The following C1orf141 variants were observed in gnomAD, a reference collection of about 807,000 sequenced individuals.
The protein encoded by C1orf141 is chromosome 1 open reading frame 141.
In C1orf141, 19 loss-of-function variants were observed where a neutral mutation model predicts 23.2. The ratio of observed to expected loss-of-function variants is 0.82; its 90% CI spans 0.57 to 1.20. C1orf141 has a LOEUF of 1.20. C1orf141 is among the 50% of genes most tolerant of loss of function. The pLI, the probability that C1orf141 is intolerant of heterozygous loss-of-function variation, is 0.00. For missense variants in C1orf141, 469 were observed against 455.1 expected (o/e 1.03, Z -0.28); for synonymous variants, 153 against 154.6 (o/e 0.99, Z 0.08).
rs1302031631 is a variant in C1orf141, at chr1:67,092,960, G to C, written c.*45C>G. ...ATTTCTTTTATAATTTTGGAACTTG[G>C]ATATTTGCTTCTTGTTACTCAAATA... On this transcript the variant is annotated 3_prime_UTR_variant, in exon 8 of 8. Transcript: ENST00000684719. 2.8e-6 allele frequency: 4 copies of C among 1,451,116 alleles called. No homozygotes were observed. Among genetic ancestry groups the C allele is most frequent in the East Asian group, 2.3e-5 (1 of 43,600 alleles). The allele number at this position is 1,451,116 out of a possible 1,614,324, so 89.9% of individuals were successfully genotyped here.
intron 2 of C1orf141, among the ~76,000 whole-genome samples, chr1:67,127,563 G>A (rs1297165932): frequency 6.6e-6 from 1 of 152,036 alleles, no homozygotes; most frequent in African/African-American, 2.4e-5. Context: ...AGACCATGTG[G>A]CTTGACTTAT....
At chr1:67,132,316 C>T (rs936988801) in intron 1 of C1orf141, among the ~76,000 whole-genome samples, 1 of 151,904 alleles carries the variant, frequency 6.6e-6, no homozygotes, top group Non-Finnish European at 1.5e-5. Flanking sequence ...AGTCAGGAGT[C>T]GAGACCTGCC....
intron 5 of C1orf141, among the ~76,000 whole-genome samples, chr1:67,114,750 C>T (rs1054066091): frequency 7.9e-5 from 12 of 152,220 alleles, no homozygotes; most frequent in African/African-American, 2.9e-4. Flanking sequence ...GATCTCAGCT[C>T]ACTGCAGCCT....
chr1:67,096,439 C>A, intron 5 of C1orf141, 118 bp from the exon 6 acceptor site: 1 of 586,888 alleles, frequency 1.7e-6, no homozygotes, highest in Non-Finnish European at 3.0e-6. Flanking sequence ...AGTATAGTGC[C>A]TGGTCTGTAG....
rs41313272 is a variant in C1orf141 at position 67,093,073 on chromosome 1, C to T, written c.1135G>A (p.Glu379Lys). 88,950 of 1,606,018 alleles carry T rather than the reference C, an allele frequency of 0.055. 3,836 individuals are homozygous for T. The highest frequency in any genetic ancestry group is 0.22 in the African/African-American group (16,474 of 74,728). The change falls in exon 8 of 8, where the codon GAA becomes AAA. Residue 379 changes from glutamate to lysine, a missense_variant. Glu to Lys is a moderately conservative substitution (Grantham distance 56). Transcript: ENST00000684719. ...CYSKPFKYIYELNNVTPLDNL... is the reference protein window; with the variant it reads ...CYSKPFKYIYKLNNVTPLDNL... ...TCCAGTGGCGTTACATTATTTAGTT[C>T]ATATATATATTTAAAAGGCTTTGAG...
intron 4 of C1orf141, among the ~76,000 whole-genome samples, chr1:67,118,039 C>T (rs6657891): frequency 0.098 from 14,924 of 152,114 alleles, 1,154 homozygotes; most frequent in African/African-American, 0.21. Context: ...AATGAGGATA[C>T]TCTTTCTTAT....
intron 5 of C1orf141, among the ~76,000 whole-genome samples, chr1:67,105,268 T>G (rs2064688): frequency 0.88 from 130,564 of 148,096 alleles, 57,736 homozygotes; most frequent in East Asian, 0.97. Context: ...AGAGGTTGCA[T>G]TGCACTGAGA....
At chr1:67,116,735 A>G (rs939222667) in intron 4 of C1orf141, among the ~76,000 whole-genome samples, 6 of 152,042 alleles carry the variant, frequency 3.9e-5, no homozygotes, top group Non-Finnish European at 8.8e-5. Context: ...TGTTTGGTTC[A>G]GGGAAAGGAA....
intron 5 of C1orf141, among the ~76,000 whole-genome samples, chr1:67,100,494 T>C (rs1199222419): frequency 2.6e-5 from 4 of 152,352 alleles, no homozygotes; most frequent in Middle Eastern, 3.4e-3. Flanking sequence ...TTCCAAATCT[T>C]ATTTCATAGA....
chr1:67,094,130 C>G (rs546700611), intron 7 of C1orf141: 1 of 152,184 alleles, frequency 6.6e-6, no homozygotes, highest in Non-Finnish European at 1.5e-5. Context: ...ATACCTGACA[C>G]CTAAAAAGTG....
chr1:67,111,511 T>C (rs1021862287), intron 5 of C1orf141: 9 of 573,676 alleles, frequency 1.6e-5, no homozygotes, highest in Non-Finnish European at 2.5e-5. Context: ...TAGGAGCATA[T>C]ATAAAATTAT....
At chr1:67,121,760 C>T (rs1646303263) in intron 4 of C1orf141, 1 of 152,150 alleles carries the variant, frequency 6.6e-6, no homozygotes, top group Non-Finnish European at 1.5e-5. Context: ...CTTTAGCACA[C>T]CACTGTACCC....
chr1:67,099,467 C>T (rs1243753600), intron 5 of C1orf141, among the ~76,000 whole-genome samples: 1 of 152,160 alleles, frequency 6.6e-6, no homozygotes, highest in African/African-American at 2.4e-5. Flanking sequence ...AACACATGCT[C>T]TTCAGGAAAA....
chr1:67,119,432 C>A (rs754994321), intron 4 of C1orf141, among the ~76,000 whole-genome samples: 5 of 152,018 alleles, frequency 3.3e-5, no homozygotes, highest in African/African-American at 1.2e-4. Context: ...TGATTTGGTT[C>A]CTACTGATGT....
chr1:67,096,146 A>G, intron 6 of C1orf141, 106 bp downstream of exon 6: 1 of 644,844 alleles, frequency 1.6e-6, no homozygotes, highest in Non-Finnish European at 2.7e-6. Context: ...GTGCTGTGGA[A>G]CTAAATAATA....
intron 5 of C1orf141, among the ~76,000 whole-genome samples, chr1:67,110,335 G>A (rs1646040422): frequency 6.6e-6 from 1 of 151,770 alleles, no homozygotes. Context: ...ATAGAAGAAA[G>A]GAAAAAAGTA....
intron 5 of C1orf141, among the ~76,000 whole-genome samples, chr1:67,107,687 G>A (rs995210435): frequency 2.6e-5 from 4 of 152,118 alleles, no homozygotes; most frequent in African/African-American, 9.7e-5. Flanking sequence ...TGGGGAGTTC[G>A]AGACCAGCCT....
chr1:67,103,774 G>C (rs907492081), intron 5 of C1orf141, among the ~76,000 whole-genome samples: 7 of 152,052 alleles, frequency 4.6e-5, no homozygotes, highest in African/African-American at 1.7e-4. Context: ...CTCTAACATA[G>C]AGTAGGTACA....
At chr1:67,096,222 C>G in intron 6 of C1orf141, 30 bp downstream of exon 6, 1 of 1,044,240 alleles carries the variant, frequency 9.6e-7, no homozygotes, top group Non-Finnish European at 1.4e-6. Flanking sequence ...TTAAACAGAA[C>G]AAAGTATTAA....
Sources: gnomAD v4.1 joint callset for allele counts (sites outside exome capture counted in the v4.1 genomes callset) on GRCh38, gnomAD v4.1.1 for gene constraint, MANE v1.5 for transcripts, NCBI Gene and HGNC (gene_info 2026-07-23, HGNC 2026-07-21) for gene names.